The following RBFOX1 variants were observed in gnomAD, a reference collection of about 807,000 sequenced individuals.
RBFOX1 encodes RNA binding protein fox-1 homolog 1.
Under a neutral mutation model 57.7 loss-of-function variants are expected in RBFOX1, and 8 were observed. The observed-to-expected ratio is 0.14, with a 90% CI of 0.08 to 0.25. The LOEUF (loss-of-function observed/expected upper bound fraction) is 0.25, where lower values mean the gene tolerates loss of function less well. Among genes scored for constraint, RBFOX1 ranks in the 10% least tolerant of loss-of-function variants. The probability of loss-of-function intolerance (pLI) is 1.00; values close to 1 mark genes in which losing one functional copy is unlikely to be tolerated. For missense variants in RBFOX1, 611 were observed against 548.5 expected (o/e 1.11, Z -1.14); for synonymous variants, 326 against 222.4 (o/e 1.47, Z -4.15).
intron 2 of RBFOX1, chr16:6,577,494 T>C (rs2097458073): frequency 6.6e-6 from 1 of 152,236 alleles, no homozygotes; most frequent in Admixed American, 6.5e-5. Flanking sequence ...AGTTGTGCTG[T>C]GGTGACAAAT....
At chr16:5,349,481 C>T (rs564345492) in intron 1 of RBFOX1, among the ~76,000 whole-genome samples, 4 of 152,248 alleles carry the variant, frequency 2.6e-5, no homozygotes, top group African/African-American at 9.6e-5. Flanking sequence ...CGAGACCAGC[C>T]TGGCCAACAT....
At chr16:5,459,980 C>G (rs1161411442) in intron 1 of RBFOX1, among the ~76,000 whole-genome samples, 1 of 152,202 alleles carries the variant, frequency 6.6e-6, no homozygotes, top group Non-Finnish European at 1.5e-5. Flanking sequence ...CAAAGACATT[C>G]CATGGCCTCC....
intron 4 of RBFOX1, among the ~76,000 whole-genome samples, chr16:7,138,988 G>A (rs1237652283): frequency 6.6e-6 from 1 of 152,062 alleles, no homozygotes. Flanking sequence ...ATTTTTAGTA[G>A]AGACAGGTTT....
intron 3 of RBFOX1, among the ~76,000 whole-genome samples, chr16:6,725,112 G>A (rs998643122): frequency 7.2e-6 from 1 of 139,240 alleles, no homozygotes. Flanking sequence ...GTGCAGTGGT[G>A]CGATCTCGGC....
intron 3 of RBFOX1, among the ~76,000 whole-genome samples, chr16:6,800,265 T>G (rs2154256141): frequency 6.7e-6 from 1 of 148,958 alleles, no homozygotes; most frequent in Non-Finnish European, 1.5e-5. Context: ...GCACTCAGCA[T>G]TGAAAACCCA....
intron 3 of RBFOX1, among the ~76,000 whole-genome samples, chr16:6,732,312 C>A (rs922148573): frequency 3.9e-5 from 6 of 152,160 alleles, no homozygotes; most frequent in Non-Finnish European, 8.8e-5. Context: ...CCGTCTCGGC[C>A]CCAGGCTCCT....
At chr16:6,396,140 G>A (rs143725069) in intron 2 of RBFOX1, among the ~76,000 whole-genome samples, 1 of 150,716 alleles carries the variant, frequency 6.6e-6, no homozygotes, top group African/African-American at 2.4e-5. Context: ...TTGTTTTGGA[G>A]TAATCCTATC....
chr16:7,024,168 AATC>A (rs1415556716), intron 3 of RBFOX1, among the ~76,000 whole-genome samples: 1 of 152,208 alleles, frequency 6.6e-6, no homozygotes, highest in Non-Finnish European at 1.5e-5. Flanking sequence ...AGCATCTAGT[AATC>A]ATTTAATAAA....
chr16:6,925,243 C>G (rs934373092), intron 3 of RBFOX1, among the ~76,000 whole-genome samples: 14 of 141,816 alleles, frequency 9.9e-5, no homozygotes, highest in African/African-American at 3.3e-4. Context: ...AAGCAATTGT[C>G]GTACCTCAGT....
At chr16:6,714,617 A>G (rs1176884240) in intron 3 of RBFOX1, among the ~76,000 whole-genome samples, 1 of 152,072 alleles carries the variant, frequency 6.6e-6, no homozygotes, top group Non-Finnish European at 1.5e-5. Flanking sequence ...ATCAAGAAGA[A>G]ATGCAGGTAT....
intron 3 of RBFOX1, among the ~76,000 whole-genome samples, chr16:5,866,313 AC>A (rs1336766551): frequency 1.3e-5 from 2 of 152,190 alleles, no homozygotes; most frequent in Non-Finnish European, 2.9e-5. Flanking sequence ...ATGAGGGCCT[AC>A]CTTCATGACA....
intron 3 of RBFOX1, among the ~76,000 whole-genome samples, chr16:5,809,109 T>G (rs909485933): frequency 1.3e-5 from 2 of 152,240 alleles, no homozygotes; most frequent in Non-Finnish European, 2.9e-5. Flanking sequence ...GTGGGAAAAC[T>G]GGCTAGCCAC....
intron 3 of RBFOX1, among the ~76,000 whole-genome samples, chr16:6,884,689 G>T (rs560329090): frequency 6.6e-6 from 1 of 152,258 alleles, no homozygotes; most frequent in East Asian, 1.9e-4. Flanking sequence ...CTTGAGGCCA[G>T]GGGTTCCAGA....
chr16:6,583,580 C>G (rs115281123), intron 2 of RBFOX1, among the ~76,000 whole-genome samples: 4 of 152,206 alleles, frequency 2.6e-5, no homozygotes, highest in Admixed American at 2.0e-4. Context: ...TGTTACCTGT[C>G]GCCTTTTTAA....
intron 3 of RBFOX1, among the ~76,000 whole-genome samples, chr16:6,966,773 A>ATCTG (rs1568128419): frequency 4.9e-3 from 116 of 23,842 alleles, no homozygotes; most frequent in African/African-American, 9.8e-3. Context: ...CTATCTATCT[A>ATCTG]TCTATCTATC....
intron 3 of RBFOX1, among the ~76,000 whole-genome samples, chr16:6,753,945 G>A (rs1003449000): frequency 2.6e-5 from 4 of 152,086 alleles, no homozygotes; most frequent in Admixed American, 2.6e-4. Context: ...TACTGAAGGA[G>A]AAGAGAATCA....
downstream of RBFOX1, chr16:5,601,560 A>T (rs1184524565): frequency 1.3e-5 from 2 of 152,150 alleles, 1 homozygote; most frequent in African/African-American, 4.8e-5. Context: ...TACCTGGAGG[A>T]GGGATCATGC....
In RBFOX1 at chr16:7,290,709, C is replaced by T. The variant is rs532884585; in HGVS notation, c.28-227438C>T. Among the ~76,000 whole-genome samples the T allele has an allele frequency of 3.9e-5, 6 of 152,230 alleles. No individual in the cohort carries two copies. In the South Asian group the frequency reaches 1.0e-3, roughly 26 times the overall value. ...TGCAACATTAAGAGGGGAAAAATAC[C>T]GTTCTCATGGGACATGTGCGTGTCC... On this transcript the variant is annotated intron_variant, in intron 4 of 15. Coordinates refer to ENST00000550418, the MANE Select transcript of RBFOX1 (RefSeq NM_018723.4).
intron 3 of RBFOX1, among the ~76,000 whole-genome samples, chr16:6,830,564 C>A (rs1264108605): frequency 6.6e-6 from 1 of 152,076 alleles, no homozygotes; most frequent in Non-Finnish European, 1.5e-5. Context: ...TCTGGTTTGT[C>A]AGAATGGGGT....
Sources: gnomAD v4.1 joint callset for allele counts (sites outside exome capture counted in the v4.1 genomes callset) on GRCh38, gnomAD v4.1.1 for gene constraint, MANE v1.5 for transcripts, NCBI Gene and HGNC (gene_info 2026-07-23, HGNC 2026-07-21) for gene names.